The following NEK3 variants were observed in gnomAD, a reference collection of about 807,000 sequenced individuals.
NEK3 encodes serine/threonine-protein kinase Nek3.
Under a neutral mutation model 66.0 loss-of-function variants are expected in NEK3, and 54 were observed. The observed-to-expected ratio is 0.82, with a 90% CI of 0.66 to 1.03. The LOEUF is 1.03. Among genes scored for constraint, NEK3 ranks in the 50% least tolerant of loss-of-function variants. NEK3 has a pLI of 0.00. For synonymous variants in NEK3, 200 were observed against 206.2 expected, an observed-to-expected ratio of 0.97 and a Z score of 0.26; for missense variants, 593 against 603.0, an observed-to-expected ratio of 0.98 and a Z score of 0.17.
intron 10 of NEK3, among the ~76,000 whole-genome samples, chr13:52,143,518 T>G (rs1305376227): frequency 6.6e-6 from 1 of 152,186 alleles, no homozygotes; most frequent in Non-Finnish European, 1.5e-5. Flanking sequence ...GCTTCTCTTT[T>G]TAAAAGTCTG....
At chr13:52,147,501 T>A (rs1306510180) in intron 8 of NEK3, among the ~76,000 whole-genome samples, 2 of 152,076 alleles carry the variant, frequency 1.3e-5, no homozygotes, top group East Asian at 3.8e-4. Context: ...ACTGTGCTAG[T>A]GAAATAAACC....
intron 2 of NEK3, 144 bp from the exon 3 acceptor site, chr13:52,154,317 A>G (rs910706684): frequency 1.8e-6 from 1 of 542,050 alleles, no homozygotes; most frequent in Non-Finnish European, 3.2e-6. Flanking sequence ...TCAAATGACA[A>G]GAGAAAATGC....
rs73500199 is a variant in NEK3, at chr13:52,158,756, G to A, written c.-58+787C>T. 6.7e-3 allele frequency among the ~76,000 whole-genome samples: 1,016 copies of A among 152,344 alleles called. 8 individuals carry two copies. Among genetic ancestry groups the A allele is most frequent in the African/African-American group, 0.022 (929 of 41,578 alleles). Reference sequence around the variant, plus strand: ...TAAAGTGATTTGCAAATACCCAGAAGTGGGATCACCAGTGAGATACGGGCT... The same window carrying A: ...TAAAGTGATTTGCAAATACCCAGAAATGGGATCACCAGTGAGATACGGGCT... On this transcript the variant is annotated intron_variant, in intron 1 of 15. Coordinates refer to ENST00000610828, the MANE Select transcript of NEK3 (RefSeq NM_002498.3).
Position 52,154,162 on chromosome 13 carries a change from A to C in NEK3, c.129T>G (p.Asn43Lys). Reference sequence around the variant, plus strand: ...CAGCCTCCTTCCTAGAATTCTGTGTATTAGAGAAAGACTAGAAAAACATTT... The same window carrying C: ...CAGCCTCCTTCCTAGAATTCTGTGTCTTAGAGAAAGACTAGAAAAACATTT... ...KEIRLPKSFS[N>K]TQNSRKEAVL... The change falls in exon 3 of 16, where the codon AAT becomes AAG. Residue 43 changes from asparagine (N) to lysine (K), a missense_variant. Physicochemically the swap from Asn to Lys is moderately conservative, Grantham distance 94. Coordinates refer to ENST00000610828, the MANE Select transcript of NEK3 (RefSeq NM_002498.3). The C allele has an allele frequency of 6.2e-7, 1 of 1,601,568 alleles. No homozygotes were observed. Among genetic ancestry groups the C allele is most frequent in the Non-Finnish European group, 8.5e-7 (1 of 1,172,340 alleles).
intron 14 of NEK3, among the ~76,000 whole-genome samples, chr13:52,134,207 T>C (rs1371900125): frequency 6.6e-6 from 1 of 152,026 alleles, no homozygotes; most frequent in Non-Finnish European, 1.5e-5. Context: ...ATTTTTTTAG[T>C]AGAGGCGAGG....
chr13:52,144,172 G>C (rs1956274140), intron 9 of NEK3, among the ~76,000 whole-genome samples, 185 bp from the exon 10 acceptor site: 1 of 152,198 alleles, frequency 6.6e-6, no homozygotes, highest in Non-Finnish European at 1.5e-5. Context: ...CCAGCACTTT[G>C]GGAAGCCGAG....
intron 2 of NEK3, 21 bp downstream of exon 2, chr13:52,156,054 G>T (rs1224050106): frequency 4.1e-6 from 6 of 1,462,882 alleles, no homozygotes; most frequent in Non-Finnish European, 4.7e-6. Context: ...TTCAAAGTGA[G>T]CTAATTTCTT....
rs371690952 is a variant in NEK3 at position 52,151,306 on chromosome 13, G to A, written c.461+19C>T. On this transcript the variant is annotated intron_variant, in intron 6 of 15. Coordinates refer to ENST00000610828, the MANE Select transcript of NEK3 (RefSeq NM_002498.3). ...TGATGTTTTGATTACTGTCACTACCGTAGAACAGACATACATACTTGGAGA... is the reference window on the plus strand; with the variant it reads ...TGATGTTTTGATTACTGTCACTACCATAGAACAGACATACATACTTGGAGA... 72 of 1,596,540 alleles carry A rather than the reference G, an allele frequency of 4.5e-5. No homozygotes were observed. The highest frequency in any genetic ancestry group is 2.2e-4 in the East Asian group (10 of 44,556).
rs1956202564 is a variant in NEK3 at position 52,136,035 on chromosome 13, C to T, written c.1174+81G>A. 5.8e-6 allele frequency: 9 copies of T among 1,554,258 alleles called. No homozygotes were observed. In the South Asian group the frequency reaches 8.1e-5, roughly 14 times the overall value. The stretch of plus-strand genomic sequence containing the variant: ...TGTGACGCCAAATACCCTTCACAGA[C>T]ATTAAAAGGCTCTAAGTGCACTAAG... On this transcript the variant is annotated intron_variant, in intron 13 of 15. Coordinates refer to ENST00000610828, the MANE Select transcript of NEK3 (RefSeq NM_002498.3).
intron 2 of NEK3, among the ~76,000 whole-genome samples, chr13:52,154,711 C>A (rs967329531): frequency 6.6e-6 from 1 of 151,572 alleles, no homozygotes; most frequent in Non-Finnish European, 1.5e-5. Flanking sequence ...TTATCCCTAA[C>A]TTACTCTATG....
chr13:52,152,769 C>A, intron 4 of NEK3, 77 bp from the exon 5 acceptor site: 1 of 903,590 alleles, frequency 1.1e-6, no homozygotes, highest in Non-Finnish European at 1.8e-6. Context: ...AAAGAATCAT[C>A]TCTAGGCCTT....
At chr13:52,140,350 T>C (rs1422174736) in intron 11 of NEK3, among the ~76,000 whole-genome samples, 1 of 152,094 alleles carries the variant, frequency 6.6e-6, no homozygotes, top group Non-Finnish European at 1.5e-5. Flanking sequence ...GGCTCACGCC[T>C]GTAATCCCAG....
intron 1 of NEK3, chr13:52,157,531 G>A (rs1315363299): frequency 1.3e-5 from 2 of 152,316 alleles, no homozygotes; most frequent in African/African-American, 2.4e-5. Flanking sequence ...CTGGAAGTGG[G>A]AGTGTTGCAG....
chr13:52,136,402 T>A, intron 12 of NEK3, 143 bp from the exon 13 acceptor site: 3 of 888,804 alleles, frequency 3.4e-6, no homozygotes, highest in Non-Finnish European at 3.3e-6. Context: ...ATGTTCTTTC[T>A]AATCTAAGTA....
At chr13:52,143,391 GT>G (rs990003478) in intron 10 of NEK3, among the ~76,000 whole-genome samples, 3 of 150,894 alleles carry the variant, frequency 2.0e-5, no homozygotes, top group African/African-American at 7.3e-5. Flanking sequence ...TATACCACCT[GT>G]CCCCACACAC....
rs934802424 is a variant in NEK3, at chr13:52,148,175, G to C, written c.603+240C>G. Reference sequence around the variant, plus strand: ...AAGAATAGCAAAAAGAAAGAAAAGAGGAAAAGAGAAAGAAAGAGAGAGAAA... The same window carrying C: ...AAGAATAGCAAAAAGAAAGAAAAGACGAAAAGAGAAAGAAAGAGAGAGAAA... On this transcript the variant is annotated intron_variant, in intron 8 of 15. Coordinates refer to ENST00000610828, the MANE Select transcript of NEK3 (RefSeq NM_002498.3). The C allele has an allele frequency of 1.9e-5, 7 of 372,152 alleles. No individual in the cohort carries two copies. The Admixed American group carries it at 3.1e-4, about 16-fold the overall frequency. The allele number at this position is 372,152 out of a possible 1,614,324, so 23.1% of individuals were successfully genotyped here. A position where few individuals can be genotyped will look rare whatever the true frequency, so the allele number is the denominator to read the frequency against.
intron 10 of NEK3, among the ~76,000 whole-genome samples, chr13:52,142,417 C>T (rs897248043): frequency 1.3e-5 from 2 of 152,024 alleles, no homozygotes; most frequent in Non-Finnish European, 2.9e-5. Context: ...GCTGGGATTA[C>T]AGGCACCTGC....
In NEK3 at chr13:52,154,067, A is replaced by G. The variant is rs1956371002; in HGVS notation, c.211+13T>C. ...ATTCAGAAATGCACATATCTGGGGG[A>G]ATTCGTATTTACCTTCAAATGATTC... On this transcript the variant is annotated intron_variant, in intron 3 of 15. Transcript: ENST00000610828. 8 of 1,606,788 alleles carry G rather than the reference A, an allele frequency of 5.0e-6. No homozygotes were observed. Among genetic ancestry groups the G allele is most frequent in the Non-Finnish European group, 6.8e-6 (8 of 1,174,350 alleles).
chr13:52,139,420 G>C (rs959081673), intron 11 of NEK3, among the ~76,000 whole-genome samples: 1 of 152,348 alleles, frequency 6.6e-6, no homozygotes, highest in South Asian at 2.1e-4. Context: ...AGGGGCTGCA[G>C]TGGTGGAAGA....
Sources: allele counts gnomAD v4.1 joint callset (sites outside exome capture counted in the v4.1 genomes callset), GRCh38; gene constraint gnomAD v4.1.1; transcripts MANE v1.5; gene names NCBI Gene and HGNC (gene_info 2026-07-23, HGNC 2026-07-21).